ELN: variants seen among roughly 807,000 people sequenced by gnomAD.
ELN encodes tropoelastin.
A neutral mutation model predicts 105.8 loss-of-function variants in ELN; 65 were observed. The observed-to-expected ratio is 0.61, with a 90% CI of 0.50 to 0.75. ELN has a LOEUF of 0.75. ELN is among the 30% of genes least tolerant of loss of function. The pLI is 0.00. For missense variants in ELN, 882 were observed against 969.4 expected (o/e 0.91, Z 1.20); for synonymous variants, 368 against 389.2 (o/e 0.95, Z 0.64).
intron 10 of ELN, 177 bp from the exon 11 acceptor site, chr7:74,046,011 G>A (rs1792411075): frequency 2.5e-6 from 2 of 810,378 alleles, no homozygotes; most frequent in African/African-American, 1.7e-5. Flanking sequence ...CCCCAGCCTG[G>A]GCGACAAGAG....
In ELN at chr7:74,041,232, G is replaced by A. The variant is rs202194806; in HGVS notation, c.213G>A (p.Ala71=). ...TATCCACAGTTCCCGGAGGGCTTGC[G>A]GGTGCTGGCCTTGGGGCAGGTGAGT... The part of the protein sequence containing the change: ...KPLKPVPGGL[A]GAGLGAGLGA... Residue 71 remains alanine, a synonymous_variant, in exon 5 of 33, where the codon GCG becomes GCA. Transcript: ENST00000252034. The A allele has an allele frequency of 6.7e-5, 108 of 1,613,962 alleles. No homozygotes were observed. Among genetic ancestry groups the A allele is most frequent in the Middle Eastern group, 3.3e-4 (2 of 6,062 alleles).
intron 1 of ELN, among the ~76,000 whole-genome samples, chr7:74,034,761 G>A (rs1199008032): frequency 6.6e-6 from 1 of 151,956 alleles, no homozygotes; most frequent in African/African-American, 2.4e-5. Context: ...CCAGCTGTGT[G>A]GCCCCAGGCA....
chr7:74,042,777 C>A, intron 6 of ELN, 71 bp downstream of exon 6: 9 of 1,580,680 alleles, frequency 5.7e-6, no homozygotes, highest in Non-Finnish European at 7.8e-6. Context: ...TGCAAAGAAC[C>A]TTCCCTCAAC....
chr7:74,034,698 C>T (rs1306009985), intron 1 of ELN, among the ~76,000 whole-genome samples: 2 of 151,882 alleles, frequency 1.3e-5, no homozygotes, highest in African/African-American at 4.8e-5. Context: ...GAGCAAGACT[C>T]TGTCTCAAAA....
At chr7:74,041,787 C>T (rs1056128950) in intron 5 of ELN, among the ~76,000 whole-genome samples, 3 of 152,096 alleles carry the variant, frequency 2.0e-5, no homozygotes, top group Admixed American at 6.5e-5. Context: ...CTCAGCTCCC[C>T]GCACCTGGTG....
intron 32 of ELN, 61 bp downstream of exon 32, chr7:74,066,837 C>T: frequency 6.4e-7 from 1 of 1,567,110 alleles, no homozygotes; most frequent in Non-Finnish European, 8.8e-7. Context: ...CCTCCCTCCT[C>T]TCCTGTGCCA....
At position 74,045,387 on chromosome 7, in the gene ELN, C is replaced by G. The variant is rs1161025129; in HGVS notation, c.541+94C>G. On this transcript the variant is annotated intron_variant, in intron 10 of 32. Coordinates refer to ENST00000252034, the MANE Select transcript of ELN (RefSeq NM_000501.4). ...AATGGGGTGGGATCCTGGACTGGCT[C>G]AGGGCCCTCTGGGTGACACTTTTTA... The G allele has an allele frequency of 7.0e-6, 10 of 1,426,752 alleles. No individual in the cohort carries two copies. In the East Asian group the frequency reaches 2.4e-4, roughly 34 times the overall value. 88.4% of individuals were successfully genotyped at this position (1,426,752 alleles called of 1,614,324 possible).
chr7:74,034,668 G>A (rs532493925), intron 1 of ELN, among the ~76,000 whole-genome samples: 5 of 152,266 alleles, frequency 3.3e-5, no homozygotes, highest in African/African-American at 9.6e-5. Flanking sequence ...TCTTGCTACT[G>A]CACTCCAGCC....
chr7:74,048,142 G>T lies in ELN; in HGVS notation c.686G>T (p.Gly229Val). 1.9e-6 allele frequency: 3 copies of T among 1,614,052 alleles called. No individual in the cohort carries two copies. Among genetic ancestry groups the T allele is most frequent in the African/African-American group, 1.3e-5 (1 of 75,012 alleles). Residue 229 changes from glycine (G) to valine (V), a missense_variant and splice_region_variant, in exon 14 of 33, where the codon GGC becomes GTC. By Grantham distance (109) the Gly-to-Val change is moderately radical (BLOSUM62 -3). Transcript: ENST00000252034. ...LPYTTGKLPY[G>V]YGPGGVAGAA... is the part of the protein sequence containing the mutation. ...ACCATCAAGCCTCTCTGTTTTGCAG[G>T]CTATGGGCCCGGAGGAGTGGCTGGT...
In ELN at chr7:74,051,849, G is replaced by C. The variant is rs1322829549; in HGVS notation, c.889+10G>C. 6.2e-7 allele frequency: 1 copy of C among 1,614,224 alleles called. No homozygotes were observed. Among genetic ancestry groups the C allele is most frequent in the Non-Finnish European group, 8.5e-7 (1 of 1,180,030 alleles). On this transcript the variant is annotated intron_variant, in intron 16 of 32. Transcript: ENST00000252034. ...ATTGGAGGCATCGCAGGTAACATCT[G>C]TCCCAGCAGGGGGCGGGTGTGTCCT...
rs1791516447 is a variant in ELN, at chr7:74,042,699, T to C, written c.318T>C (p.Ala106=). The C allele has an allele frequency of 6.2e-7, 1 of 1,612,992 alleles. No homozygotes were observed. Among genetic ancestry groups the C allele is most frequent in the Non-Finnish European group, 8.5e-7 (1 of 1,179,986 alleles). ...VADAAAAYKA[A]KAGAGLGGVP... is the part of the protein sequence containing the mutation. Reference sequence around the variant, plus strand: ...ACGCTGCTGCAGCCTATAAAGCTGCTAAGGCTGGTGAGTGGTGCTCTTTGG... The same window carrying C: ...ACGCTGCTGCAGCCTATAAAGCTGCCAAGGCTGGTGAGTGGTGCTCTTTGG... The change falls in exon 6 of 33, where the codon GCT becomes GCC. Residue 106 remains alanine (A), a synonymous_variant. Coordinates refer to ENST00000252034, the MANE Select transcript of ELN (RefSeq NM_000501.4).
intron 1 of ELN, among the ~76,000 whole-genome samples, chr7:74,032,514 T>A (rs1788931736): frequency 6.6e-6 from 1 of 152,252 alleles, no homozygotes; most frequent in African/African-American, 2.4e-5. Context: ...CTCTCTCACT[T>A]GCAGAGAGGC....
intron 8 of ELN, chr7:74,043,428 G>T: frequency 5.6e-6 from 4 of 708,040 alleles, no homozygotes; most frequent in Non-Finnish European, 1.0e-5. Context: ...GACAGATGGG[G>T]AAACTGAGGC....
chr7:74,059,448 A>T (rs1006073352), intron 22 of ELN: 15 of 262,734 alleles, frequency 5.7e-5, no homozygotes, highest in African/African-American at 3.1e-4. Context: ...TTGGGAGGCC[A>T]AGTCGGGTGG....
At position 74,063,300 on chromosome 7, in the gene ELN, GT is replaced by G; in HGVS notation, c.1859-9del. ...CAGAGTGCCTCCCTGAACTCGGTCT[GT>G]GTTCCCAGGAGCCGGACCCGCCGCC... On this transcript the variant is annotated splice_polypyrimidine_tract_variant and intron_variant, in intron 27 of 32. Transcript: ENST00000252034. This position sits in a 1 kb window ranked among gnomAD's most constrained non-coding sequence, Gnocchi z 4.1. The G allele has an allele frequency of 6.4e-7, 1 of 1,559,826 alleles. No homozygotes were observed. The highest frequency in any genetic ancestry group is 8.7e-7 in the Non-Finnish European group (1 of 1,152,062).
chr7:74,035,780 T>A (rs1584488559), intron 2 of ELN: 1 of 336,276 alleles, frequency 3.0e-6, no homozygotes, highest in Non-Finnish European at 5.7e-6. Context: ...GTATAGAAAT[T>A]AAAAAAAAAT....
intron 3 of ELN, 62 bp from the exon 4 acceptor site, chr7:74,037,645 T>A: frequency 1.9e-6 from 3 of 1,587,364 alleles, no homozygotes; most frequent in Non-Finnish European, 2.6e-6. Flanking sequence ...GGTTGGGGGT[T>A]GGATAAGTAG....
intron 15 of ELN, 51 bp from the exon 16 acceptor site, chr7:74,051,699 T>C (rs1554676072): frequency 6.2e-7 from 1 of 1,603,530 alleles, no homozygotes; most frequent in Non-Finnish European, 8.5e-7. Context: ...ATCCTGCCTG[T>C]CCTCAGGAGG....
chr7:74,053,838 G>A (rs1554677930), intron 18 of ELN, among the ~76,000 whole-genome samples: 1 of 151,924 alleles, frequency 6.6e-6, no homozygotes. Context: ...GTGGGTGGAT[G>A]GGTGTGGGAT....
Sources: gnomAD v4.1 joint callset for allele counts (sites outside exome capture counted in the v4.1 genomes callset) on GRCh38, gnomAD v4.1.1 for gene constraint, Gnocchi (gnomAD v3.1) non-coding constraint, MANE v1.5 for transcripts, NCBI Gene and HGNC (gene_info 2026-07-23, HGNC 2026-07-21) for gene names.